The following POLD1 variants were observed in gnomAD, a reference collection of about 807,000 sequenced individuals.
POLD1 encodes DNA polymerase delta 1, catalytic subunit, also known as DNA polymerase delta catalytic subunit.
In POLD1, 79 loss-of-function variants were observed where a neutral mutation model predicts 129.7. That is an observed-to-expected ratio of 0.61 (90% CI 0.51 to 0.73). The LOEUF (loss-of-function observed/expected upper bound fraction) is 0.73, where lower values mean the gene tolerates loss of function less well. POLD1 is among the 30% of genes least tolerant of loss of function. The pLI is 0.00. For missense variants in POLD1, 1,338 were observed against 1,595.8 expected (o/e 0.84, Z 2.75); for synonymous variants, 714 against 683.3 (o/e 1.04, Z -0.70).
Position 50,408,848 on chromosome 19 carries a change from C to T in POLD1, c.1839C>T (p.Ala613=), listed in dbSNP as rs2122368448. ...CGCTGTACCCGTCCATCATGATGGC[C>T]CACAACCTGTGTTACACCACGCTCC... ...FSSLYPSIMM[A]HNLCYTTLLR... Residue 613 remains alanine, a synonymous_variant, in exon 15 of 27, where the codon GCC becomes GCT. Transcript: ENST00000440232. 6.2e-7 allele frequency: 1 copy of T among 1,614,092 alleles called. No homozygotes were observed. Among genetic ancestry groups the T allele is most frequent in the Non-Finnish European group, 8.5e-7 (1 of 1,180,012 alleles).
rs1319796179 is a variant in POLD1 at position 50,404,601 on chromosome 19, CAG to C, written c.1242+1007_1242+1008del. On this transcript the variant is annotated intron_variant, in intron 10 of 26. Transcript: ENST00000440232. ...TTTTTTTTTTTTTTTTTTTTTGAGACAGAGTCTCGCTGTGTCGCCCAGGCTGG... is the reference window on the plus strand; with the variant it reads ...TTTTTTTTTTTTTTTTTTTTTGAGACAGTCTCGCTGTGTCGCCCAGGCTGG... Among the ~76,000 whole-genome samples the C allele has an allele frequency of 2.0e-4, 18 of 91,104 alleles. No homozygotes were observed. In the East Asian group the frequency reaches 2.8e-3, roughly 14 times the overall value. The allele number at this position is 91,104 out of a possible 152,430, so 59.8% of individuals were successfully genotyped here. A position where few individuals can be genotyped will look rare whatever the true frequency, so the allele number is the denominator to read the frequency against.
intron 1 of POLD1, among the ~76,000 whole-genome samples, chr19:50,393,345 C>T (rs1488952199): frequency 6.6e-6 from 1 of 152,090 alleles, no homozygotes; most frequent in African/African-American, 2.4e-5. Flanking sequence ...TGGTATTGTA[C>T]AATTTTTATG....
chr19:50,405,384 A>G (rs1188281520), intron 10 of POLD1, among the ~76,000 whole-genome samples: 1 of 152,160 alleles, frequency 6.6e-6, no homozygotes, highest in Non-Finnish European at 1.5e-5. Context: ...TTAATGAGAT[A>G]TATTGCCTTA....
chr19:50,408,525 C>T (rs768981899), intron 14 of POLD1, among the ~76,000 whole-genome samples: 1 of 151,646 alleles, frequency 6.6e-6, no homozygotes, highest in African/African-American at 2.4e-5. Context: ...GGACCACAGG[C>T]GTGCACCACC....
rs2039263359 is a variant in POLD1 at position 50,415,776 on chromosome 19, T to A, written c.2770T>A (p.Tyr924Asn). The change falls in exon 22 of 27, where the codon TAC becomes AAC. Residue 924 changes from tyrosine (Y) to asparagine (N), a missense_variant. Tyr to Asn is a moderately radical substitution (Grantham distance 143). Coordinates refer to ENST00000440232, the MANE Select transcript of POLD1 (RefSeq NM_002691.4). ...SAPSLGDRVP[Y>N]VIISAAKGVA... ...GCCCAGCCTGGGCGACCGCGTCCCC[T>A]ACGTGATCATCAGTGCCGCCAAGGG... The A allele has an allele frequency of 6.5e-7, 1 of 1,536,740 alleles. No homozygotes were observed. Among genetic ancestry groups the A allele is most frequent in the African/African-American group, 1.4e-5 (1 of 72,122 alleles).
chr19:50,409,046 A>G lies in POLD1; in HGVS notation c.1893-76A>G. The G allele has an allele frequency of 7.4e-7, 1 of 1,357,598 alleles. No individual in the cohort carries two copies. The highest frequency in any genetic ancestry group is 1.7e-5 in the Admixed American group (1 of 57,792). 84.1% of individuals were successfully genotyped at this position (1,357,598 alleles called of 1,614,324 possible). On this transcript the variant is annotated intron_variant, in intron 15 of 26. Transcript: ENST00000440232. The surrounding 1 kb of genome is among the most constrained non-coding windows in gnomAD (Gnocchi z 5.8). Reference sequence around the variant, plus strand: ...GAGGGGCCTGCGTGTGCTCATGGCCAAGGCCAGGACCGTAGGGCAGAGGTG... The same window carrying G: ...GAGGGGCCTGCGTGTGCTCATGGCCGAGGCCAGGACCGTAGGGCAGAGGTG...
intron 9 of POLD1, 22 bp downstream of exon 9, chr19:50,403,241 A>G (rs888398421): frequency 2.6e-6 from 4 of 1,528,362 alleles, no homozygotes; most frequent in Non-Finnish European, 3.5e-6. Flanking sequence ...TCCACGCCCC[A>G]CACCATTTCC....
intron 1 of POLD1, 55 bp from the exon 2 acceptor site, chr19:50,398,796 A>C (rs2038465124): frequency 1.3e-6 from 2 of 1,571,354 alleles, no homozygotes; most frequent in Non-Finnish European, 1.7e-6. Flanking sequence ...CCATGGAGAC[A>C]GGGTAAGAGG....
rs1433360257 is a variant in POLD1, at chr19:50,406,754, C to G, written c.1495-229C>G. Among the ~76,000 whole-genome samples the G allele has an allele frequency of 6.6e-6, 1 of 152,122 alleles. No individual in the cohort carries two copies. Among genetic ancestry groups the G allele is most frequent in the African/African-American group, 2.4e-5 (1 of 41,410 alleles). Reference sequence around the variant, plus strand: ...TGCTTTCCTGGCCTGACCACAGGTCCACGGTGGCCTTCAGGCTGCTCCCTC... The same window carrying G: ...TGCTTTCCTGGCCTGACCACAGGTCGACGGTGGCCTTCAGGCTGCTCCCTC... On this transcript the variant is annotated intron_variant, in intron 12 of 26. Transcript: ENST00000440232. The surrounding 1 kb of genome is among the most constrained non-coding windows in gnomAD (Gnocchi z 5.5).
At chr19:50,394,229 C>T (rs147894048) in intron 1 of POLD1, among the ~76,000 whole-genome samples, 3 of 152,340 alleles carry the variant, frequency 2.0e-5, no homozygotes, top group Middle Eastern at 3.4e-3. Flanking sequence ...CATGATCACT[C>T]TCATTCCTGG....
At position 50,415,751 on chromosome 19, in the gene POLD1, G is replaced by A. The variant is rs749435965; in HGVS notation, c.2745G>A (p.Ala915=). ...TGAGGAAGCGGGACCCCGGGAGTGCGCCCAGCCTGGGCGACCGCGTCCCCT... is the reference window on the plus strand; with the variant it reads ...TGAGGAAGCGGGACCCCGGGAGTGCACCCAGCCTGGGCGACCGCGTCCCCT... The part of the protein sequence containing the change: ...ERMRKRDPGS[A]PSLGDRVPYV... The change falls in exon 22 of 27, where the codon GCG becomes GCA. Residue 915 remains alanine, a synonymous_variant. Transcript: ENST00000440232. 7 of 1,564,384 alleles carry A rather than the reference G, an allele frequency of 4.5e-6. No homozygotes were observed. The highest frequency in any genetic ancestry group is 2.3e-5 in the East Asian group (1 of 43,010).
At position 50,403,559 on chromosome 19, in the gene POLD1, G is replaced by T. The variant is rs1426325954; in HGVS notation, c.1204G>T (p.Asp402Tyr). ...CACCGGTTACAACATCCAGAACTTC[G>T]ACCTTCCGTACCTCATCTCTCGGGC... Reference protein sequence around the residue: ...VITGYNIQNFDLPYLISRAQT... With the variant: ...VITGYNIQNFYLPYLISRAQT... Residue 402 changes from aspartate (D) to tyrosine (Y), a missense_variant, in exon 10 of 27, where the codon GAC becomes TAC. By Grantham distance (160) the Asp-to-Tyr change is radical (BLOSUM62 -3). Around this residue, in one of 3 missense-constraint regions of POLD1, gnomAD observed 720 missense variants for 1,002.6 expected, o/e 0.72. Coordinates refer to ENST00000440232, the MANE Select transcript of POLD1 (RefSeq NM_002691.4). 1.2e-6 allele frequency: 2 copies of T among 1,613,840 alleles called. No individual in the cohort carries two copies. Among genetic ancestry groups the T allele is most frequent in the African/African-American group, 1.3e-5 (1 of 75,022 alleles).
In POLD1 at chr19:50,401,771, C is replaced by T. The variant is rs1184876593; in HGVS notation, c.317-7C>T. ...CATGGCCGCTGTCTTACCCTGTGACCCCACAGGCCCAGCGCAGCCTGTGCC... is the reference window on the plus strand; with the variant it reads ...CATGGCCGCTGTCTTACCCTGTGACTCCACAGGCCCAGCGCAGCCTGTGCC... On this transcript the variant is annotated splice_polypyrimidine_tract_variant and splice_region_variant and intron_variant, in intron 3 of 26. Transcript: ENST00000440232. 2.5e-6 allele frequency: 4 copies of T among 1,611,458 alleles called. No homozygotes were observed. Among genetic ancestry groups the T allele is most frequent in the South Asian group, 2.2e-5 (2 of 91,076 alleles).
Position 50,399,028 on chromosome 19 carries a change from G to T in POLD1, c.177G>T (p.Gln59His), listed in dbSNP as rs201261298. ...RLQEQEEEEL[Q>H]SVLEGVADGQ... ...AGGAGCAGGAGGAGGAGGAGCTGCAGTCAGTCCTGGAGGGGGTTGCAGACG... is the reference window on the plus strand; with the variant it reads ...AGGAGCAGGAGGAGGAGGAGCTGCATTCAGTCCTGGAGGGGGTTGCAGACG... The change falls in exon 2 of 27, where the codon CAG becomes CAT. Residue 59 changes from glutamine (Q) to histidine (H), a missense_variant. Gln to His is a conservative substitution (Grantham distance 24). Coordinates refer to ENST00000440232, the MANE Select transcript of POLD1 (RefSeq NM_002691.4). 6.4e-7 allele frequency: 1 copy of T among 1,556,698 alleles called. No individual in the cohort carries two copies. Among genetic ancestry groups the T allele is most frequent in the African/African-American group, 1.4e-5 (1 of 73,652 alleles).
chr19:50,414,788 A>G (rs1389535528), intron 19 of POLD1, 27 bp from the exon 20 acceptor site: 2 of 1,492,076 alleles, frequency 1.3e-6, no homozygotes, highest in East Asian at 2.5e-5. Flanking sequence ...CCTCAGGCTC[A>G]GGGTCTTGGC....
At chr19:50,390,572 A>ATTTTTTTTTTTT (rs563258123) in intron 1 of POLD1, among the ~76,000 whole-genome samples, 2 of 136,132 alleles carry the variant, frequency 1.5e-5, no homozygotes, top group African/African-American at 5.5e-5. Context: ...CTTGAGAACT[A>ATTTTTTTTTTTT]TTTTTTTTTT....
In POLD1 at chr19:50,403,136, C is replaced by A; in HGVS notation, c.1054C>A (p.Arg352Ser). ...CTGGGGGGAGCCGGAGCCCTTCCTA[C>A]GCCTGGCGCTCACCCTGCGGCCCTG... ...LRWGEPEPFL[R>S]LALTLRPCAP... is the part of the protein sequence containing the mutation. The change falls in exon 9 of 27, where the codon CGC becomes AGC. Residue 352 changes from arginine to serine, a missense_variant. Coordinates refer to ENST00000440232, the MANE Select transcript of POLD1 (RefSeq NM_002691.4). The A allele has an allele frequency of 6.4e-7, 1 of 1,561,554 alleles. No homozygotes were observed. The highest frequency in any genetic ancestry group is 8.7e-7 in the Non-Finnish European group (1 of 1,152,510).
chr19:50,408,986 C>G (rs2038998240), intron 15 of POLD1, 85 bp downstream of exon 15: 1 of 1,430,956 alleles, frequency 7.0e-7, no homozygotes, highest in Admixed American at 1.8e-5. Flanking sequence ...GGCATAGGCA[C>G]AGGCCCAGAG....
rs2122389691 is a variant in POLD1 at position 50,409,652 on chromosome 19, C to G, written c.2140C>G (p.Leu714Val). Reference protein sequence around the residue: ...TGAQVGKLPCLEISQSVTGFG... With the variant: ...TGAQVGKLPCVEISQSVTGFG... ...CGCCCAGGTGGGCAAGTTGCCGTGC[C>G]TGGAGATCTCACAGGTGGGCACTCG... Residue 714 changes from leucine to valine, a missense_variant, in exon 17 of 27, where the codon CTG becomes GTG. Coordinates refer to ENST00000440232, the MANE Select transcript of POLD1 (RefSeq NM_002691.4). The surrounding 1 kb of genome is among the most constrained non-coding windows in gnomAD (Gnocchi z 5.8). The G allele has an allele frequency of 6.2e-7, 1 of 1,605,202 alleles. No individual in the cohort carries two copies. The highest frequency in any genetic ancestry group is 1.1e-5 in the South Asian group (1 of 90,724).
Sources: allele counts gnomAD v4.1 joint callset (sites outside exome capture counted in the v4.1 genomes callset), GRCh38; gene constraint gnomAD v4.1.1; regional missense constraint gnomAD v4.1.1; non-coding constraint Gnocchi (gnomAD v3.1); transcripts MANE v1.5; gene names NCBI Gene and HGNC (gene_info 2026-07-23, HGNC 2026-07-21).